Variants in CDK6 observed in about 807,000 individuals in gnomAD.
The protein encoded by CDK6 is cyclin-dependent kinase 6.
In CDK6, 6 loss-of-function variants were observed where a neutral mutation model predicts 37.1. The ratio of observed to expected loss-of-function variants is 0.16; its 90% CI spans 0.09 to 0.32. CDK6 has a LOEUF of 0.32. Among genes scored for constraint, CDK6 ranks in the 10% least tolerant of loss-of-function variants. The pLI, the probability that CDK6 is intolerant of heterozygous loss-of-function variation, is 1.00. For synonymous variants in CDK6, 160 were observed against 161.3 expected (o/e 0.99, Z 0.06); for missense variants, 224 against 418.9 (o/e 0.53, Z 4.06).
chr7:92,735,961 A>G (rs1008601), intron 3 of CDK6, among the ~76,000 whole-genome samples: 24,869 of 152,110 alleles, frequency 0.16, 3,044 homozygotes, highest in African/African-American at 0.34. Context: ...TAAGTGAGTC[A>G]CTTAGACATG....
At chr7:92,716,704 C>A (rs1200731457) in intron 4 of CDK6, among the ~76,000 whole-genome samples, 4 of 152,108 alleles carry the variant, frequency 2.6e-5, no homozygotes, top group Non-Finnish European at 5.9e-5. Flanking sequence ...ACACAAAAAT[C>A]CAAATTATTG....
At chr7:92,728,141 G>A (rs971321624) in intron 3 of CDK6, among the ~76,000 whole-genome samples, 2 of 152,092 alleles carry the variant, frequency 1.3e-5, no homozygotes, top group African/African-American at 4.8e-5. Context: ...CACACACTAT[G>A]TTTTTCTTAA....
chr7:92,776,531 G>A (rs1284872336), intron 2 of CDK6, among the ~76,000 whole-genome samples: 1 of 152,228 alleles, frequency 6.6e-6, no homozygotes, highest in Non-Finnish European at 1.5e-5. Flanking sequence ...CACCAACAGT[G>A]TAAAAGCATT....
At chr7:92,718,633 A>G (rs1003027970) in intron 4 of CDK6, among the ~76,000 whole-genome samples, 2 of 152,190 alleles carry the variant, frequency 1.3e-5, no homozygotes, top group African/African-American at 2.4e-5. Context: ...TGACGCGCAC[A>G]TTCACAGGGC....
In CDK6 at chr7:92,610,019, A is replaced by G. The variant is rs1795528565; in HGVS notation, c.*5121T>C. The stretch of plus-strand genomic sequence containing the variant: ...AAGAGTTAAATATGCGCAGAAAAAT[A>G]AAGTTAGAATGAAATCTCTTTTAGA... On this transcript the variant is annotated 3_prime_UTR_variant, in exon 8 of 8. Coordinates refer to ENST00000424848, the MANE Select transcript of CDK6 (RefSeq NM_001145306.2). 1 of 228,576 alleles carries G rather than the reference A, an allele frequency of 4.4e-6. No individual in the cohort carries two copies. The highest frequency in any genetic ancestry group is 2.2e-5 in the African/African-American group (1 of 45,082). The allele number at this position is 228,576 out of a possible 1,614,324, so 14.2% of individuals were successfully genotyped here. A position where few individuals can be genotyped will look rare whatever the true frequency, so the allele number is the denominator to read the frequency against.
At position 92,606,545 on chromosome 7, in the gene CDK6, C is replaced by G; in HGVS notation, c.*8595G>C. 1 of 233,240 alleles carries G rather than the reference C, an allele frequency of 4.3e-6. No individual in the cohort carries two copies. The highest frequency in any genetic ancestry group is 6.0e-5 in the East Asian group (1 of 16,576). 14.4% of individuals were successfully genotyped at this position (233,240 alleles called of 1,614,324 possible). ...GTTGGTCATCTTGGGCTGGTTCACA[C>G]AGCCTAGATGAGTATCTGATATACA... On this transcript the variant is annotated 3_prime_UTR_variant, in exon 8 of 8. Transcript: ENST00000424848.
At chr7:92,786,107 TC>T (rs1397938515) in intron 2 of CDK6, among the ~76,000 whole-genome samples, 2 of 152,202 alleles carry the variant, frequency 1.3e-5, no homozygotes, top group Admixed American at 6.5e-5. Context: ...TGGACAACTT[TC>T]AACATTTAGT....
intron 2 of CDK6, among the ~76,000 whole-genome samples, chr7:92,784,738 T>G (rs1800080728): frequency 6.6e-6 from 1 of 152,214 alleles, no homozygotes; most frequent in Admixed American, 6.5e-5. Flanking sequence ...CTTTGCGTTT[T>G]GCTTATTCTT....
At position 92,833,466 on chromosome 7, in the gene CDK6, G is replaced by A; in HGVS notation, c.-143C>T. 1.6e-6 allele frequency: 1 copy of A among 606,670 alleles called. No homozygotes were observed. 37.6% of individuals were successfully genotyped at this position (606,670 alleles called of 1,614,324 possible). On this transcript the variant is annotated 5_prime_UTR_variant, in exon 2 of 8. Coordinates refer to ENST00000424848, the MANE Select transcript of CDK6 (RefSeq NM_001145306.2). This position sits in a 1 kb window ranked among gnomAD's most constrained non-coding sequence, Gnocchi z 6.1. ...GCTCCCCGCCGGCTCAGGCGCTCGG[G>A]CGCTGGGGCTTTCGCCGCTGCAGAA...
intron 2 of CDK6, among the ~76,000 whole-genome samples, chr7:92,793,088 T>C (rs1191022882): frequency 1.3e-5 from 2 of 152,012 alleles, no homozygotes; most frequent in Admixed American, 6.6e-5. Flanking sequence ...CAAAACAATA[T>C]TGCAAGAAAT....
intron 4 of CDK6, among the ~76,000 whole-genome samples, chr7:92,684,462 G>A (rs188547202): frequency 3.3e-5 from 5 of 152,278 alleles, no homozygotes; most frequent in Admixed American, 3.3e-4. Flanking sequence ...GCAAATGACT[G>A]GGTCCTGGAT....
At chr7:92,655,395 T>C (rs1393379302) in intron 5 of CDK6, among the ~76,000 whole-genome samples, 1 of 152,142 alleles carries the variant, frequency 6.6e-6, no homozygotes, top group Non-Finnish European at 1.5e-5. Context: ...AAATGAAACA[T>C]GTCTAAGTTC....
At chr7:92,624,693 G>A (rs996739272) in intron 5 of CDK6, among the ~76,000 whole-genome samples, 3 of 152,100 alleles carry the variant, frequency 2.0e-5, no homozygotes, top group African/African-American at 4.8e-5. Context: ...AGATGACAAG[G>A]TGAGAAGTCC....
chr7:92,780,759 ATCT>A, intron 2 of CDK6, among the ~76,000 whole-genome samples: 1 of 144,606 alleles, frequency 6.9e-6, no homozygotes. Flanking sequence ...GCGAGACTCC[ATCT>A]CAAAAAAAAA....
chr7:92,638,632 C>T (rs544354460), intron 5 of CDK6, among the ~76,000 whole-genome samples: 3 of 152,328 alleles, frequency 2.0e-5, no homozygotes, highest in African/African-American at 7.2e-5. Context: ...GTGGGCAACA[C>T]TAACTGACTC....
rs773478368 is a variant in CDK6 at position 92,606,081 on chromosome 7, G to A, written c.*9059C>T. 4.3e-6 allele frequency: 1 copy of A among 233,572 alleles called. No individual in the cohort carries two copies. The highest frequency in any genetic ancestry group is 8.5e-6 in the Non-Finnish European group (1 of 117,990). The allele number at this position is 233,572 out of a possible 1,614,324, so 14.5% of individuals were successfully genotyped here. A position where few individuals can be genotyped will look rare whatever the true frequency, so the allele number is the denominator to read the frequency against. On this transcript the variant is annotated 3_prime_UTR_variant, in exon 8 of 8. Transcript: ENST00000424848. The stretch of plus-strand genomic sequence containing the variant: ...CTTTAAGGAACATGCACCCTTATAA[G>A]TCTGTACCCTGATATGAAAATAGCA...
intron 2 of CDK6, among the ~76,000 whole-genome samples, chr7:92,830,645 T>TA (rs755128492): frequency 1.3e-5 from 2 of 152,140 alleles, no homozygotes; most frequent in Non-Finnish European, 2.9e-5. Context: ...CCAGAATTCT[T>TA]AGTCTGGCCA....
intron 5 of CDK6, among the ~76,000 whole-genome samples, chr7:92,665,570 C>T (rs1447067952): frequency 6.6e-6 from 1 of 152,190 alleles, no homozygotes; most frequent in Non-Finnish European, 1.5e-5. Context: ...CTATGACTCT[C>T]TTTACTGAGT....
At chr7:92,668,470 T>C (rs776555027) in intron 5 of CDK6, among the ~76,000 whole-genome samples, 1 of 152,108 alleles carries the variant, frequency 6.6e-6, no homozygotes, top group Non-Finnish European at 1.5e-5. Flanking sequence ...CATAAGAATA[T>C]GGCAAAAACA....
Sources: allele counts gnomAD v4.1 joint callset (sites outside exome capture counted in the v4.1 genomes callset), GRCh38; gene constraint gnomAD v4.1.1; non-coding constraint Gnocchi (gnomAD v3.1); transcripts MANE v1.5; gene names NCBI Gene and HGNC (gene_info 2026-07-23, HGNC 2026-07-21).